Variants in SP2 observed in about 807,000 individuals in gnomAD.
SP2 encodes the protein Sp2 transcription factor.
SP2 carries 9 observed loss-of-function variants against 50.1 expected under a neutral mutation model. The observed-to-expected ratio is 0.18, with a 90% CI of 0.11 to 0.31. The LOEUF (loss-of-function observed/expected upper bound fraction) is 0.31. Among genes scored for constraint, SP2 ranks in the 10% least tolerant of loss-of-function variants. SP2 has a pLI of 1.00. For missense variants in SP2, 581 were observed against 806.5 expected (o/e 0.72, Z 3.39); for synonymous variants, 313 against 326.6 (o/e 0.96, Z 0.45).
rs1296284596 is a variant in SP2, at chr17:47,925,525, T to C, written c.1725T>C (p.His575=). Residue 575 remains histidine, a synonymous_variant, in exon 6 of 7, where the codon CAT becomes CAC. Coordinates refer to ENST00000376741, the MANE Select transcript of SP2 (RefSeq NM_003110.6). ...CACGGAGTGACGAGCTCCAACGGCATGCTCGCACCCACACAGGTCAGCCCC... is the reference window on the plus strand; with the variant it reads ...CACGGAGTGACGAGCTCCAACGGCACGCTCGCACCCACACAGGTCAGCCCC... The part of the protein sequence containing the change: ...RFTRSDELQR[H]ARTHTGDKRF... 6.2e-7 allele frequency: 1 copy of C among 1,613,954 alleles called. No individual in the cohort carries two copies. The highest frequency in any genetic ancestry group is 1.7e-5 in the Admixed American group (1 of 60,012).
intron 1 of SP2, among the ~76,000 whole-genome samples, chr17:47,906,603 T>C (rs2143833437): frequency 6.6e-6 from 1 of 152,248 alleles, no homozygotes; most frequent in African/African-American, 2.4e-5. Context: ...GCCAGAGACC[T>C]GAAGGGTGAG....
At chr17:47,921,249 C>A (rs1319291225) in intron 3 of SP2, among the ~76,000 whole-genome samples, 1 of 151,994 alleles carries the variant, frequency 6.6e-6, no homozygotes, top group Non-Finnish European at 1.5e-5. Flanking sequence ...TCACGGATTG[C>A]TGCTTTTTTG....
chr17:47,924,011 A>G (rs1006825516), intron 4 of SP2, among the ~76,000 whole-genome samples: 1 of 151,842 alleles, frequency 6.6e-6, no homozygotes, highest in Non-Finnish European at 1.5e-5. Flanking sequence ...ATCCTTAATG[A>G]ATGTTTAGCA....
Position 47,917,078 on chromosome 17 carries a change from A to G in SP2, c.1007A>G (p.Gln336Arg), listed in dbSNP as rs759181735. The G allele has an allele frequency of 3.7e-6, 6 of 1,613,498 alleles. No homozygotes were observed. The highest frequency in any genetic ancestry group is 5.1e-6 in the Non-Finnish European group (6 of 1,179,842). ...TCTGCCACCCTCCCCACTGTACCCC[A>G]GAAGCCCTCCCAGAACTTTCAGATC... ...AASATLPTVP[Q>R]KPSQNFQIQA... The change falls in exon 3 of 7, where the codon CAG (glutamine) becomes CGG (arginine). Residue 336 changes from glutamine to arginine, a missense_variant. Gln to Arg is a conservative substitution (Grantham distance 43). Coordinates refer to ENST00000376741, the MANE Select transcript of SP2 (RefSeq NM_003110.6).
intron 3 of SP2, among the ~76,000 whole-genome samples, chr17:47,922,497 T>C (rs1019089728): frequency 6.6e-6 from 1 of 151,840 alleles, no homozygotes; most frequent in African/African-American, 2.4e-5. Flanking sequence ...GGCTCTTTTT[T>C]TTTTTTCTGA....
rs539138038 is a variant in SP2, at chr17:47,906,841, G to T, written c.8-8471G>T. Among the ~76,000 whole-genome samples the T allele has an allele frequency of 3.3e-5, 5 of 152,268 alleles. No individual in the cohort carries two copies. The East Asian group carries it at 9.7e-4, about 29-fold the overall frequency. On this transcript the variant is annotated intron_variant, in intron 1 of 6. Coordinates refer to ENST00000376741, the MANE Select transcript of SP2 (RefSeq NM_003110.6). ...GTCTAACACGTGGAGCAGAGATCTG[G>T]GCCAGACACAGGCCTATGAGTTGGC...
At chr17:47,915,218 A>G in intron 1 of SP2, 94 bp from the exon 2 acceptor site, 1 of 953,690 alleles carries the variant, frequency 1.0e-6, no homozygotes, top group Non-Finnish European at 1.6e-6. Flanking sequence ...CCGTCTCAAA[A>G]AAAAAAAAAT....
At chr17:47,919,949 GT>G (rs1230962048) in intron 3 of SP2, among the ~76,000 whole-genome samples, 1 of 147,260 alleles carries the variant, frequency 6.8e-6, no homozygotes, top group Non-Finnish European at 1.5e-5. Flanking sequence ...CGATTCTCCT[GT>G]TTCAGCCTCC....
At chr17:47,897,630 G>A (rs1230257844) in intron 1 of SP2, among the ~76,000 whole-genome samples, 2 of 152,212 alleles carry the variant, frequency 1.3e-5, no homozygotes, top group Admixed American at 6.5e-5. Context: ...TGGTATTCTG[G>A]ATGATACAAT....
chr17:47,930,729 T>G (rs1394944370), downstream of SP2, among the ~76,000 whole-genome samples: 1 of 152,186 alleles, frequency 6.6e-6, no homozygotes, highest in Non-Finnish European at 1.5e-5. Context: ...CTGATCCTGA[T>G]GGGCCCTTGA....
At chr17:47,910,257 A>C (rs2034929745) in intron 1 of SP2, among the ~76,000 whole-genome samples, 1 of 152,266 alleles carries the variant, frequency 6.6e-6, no homozygotes, top group Non-Finnish European at 1.5e-5. Flanking sequence ...GGTCACAGCC[A>C]GCATTTAAAA....
At chr17:47,929,028 T>C (rs2035761878), downstream of SP2, 1 of 152,178 alleles carries the variant, frequency 6.6e-6, no homozygotes, top group South Asian at 2.1e-4. Flanking sequence ...GAGGGAGCTG[T>C]GGTCTCTCAG....
At position 47,926,744 on chromosome 17, in the gene SP2, C is replaced by T. The variant is rs76231058; in HGVS notation, c.1742-980C>T. 2.9e-3 allele frequency among the ~76,000 whole-genome samples: 441 copies of T among 151,652 alleles called. 3 individuals carry two copies. Among genetic ancestry groups the T allele is most frequent in the African/African-American group, 9.8e-3 (404 of 41,318 alleles). Reference sequence around the variant, plus strand: ...TTCGAGACCAGCCAGGGCAATATAGCGGGAGCCCATCTCTTAAAAAAAAAA... The same window carrying T: ...TTCGAGACCAGCCAGGGCAATATAGTGGGAGCCCATCTCTTAAAAAAAAAA... On this transcript the variant is annotated intron_variant, in intron 6 of 6. Coordinates refer to ENST00000376741, the MANE Select transcript of SP2 (RefSeq NM_003110.6).
intron 5 of SP2, 70 bp from the exon 6 acceptor site, chr17:47,925,278 C>A: frequency 6.7e-7 from 1 of 1,487,346 alleles, no homozygotes; most frequent in Non-Finnish European, 9.2e-7. Context: ...CATCCTGTTC[C>A]TGCCCCATCC....
downstream of SP2, among the ~76,000 whole-genome samples, chr17:47,930,642 A>T (rs1223043936): frequency 6.6e-6 from 1 of 152,168 alleles, no homozygotes; most frequent in Non-Finnish European, 1.5e-5. Flanking sequence ...CCTATCCATT[A>T]TTTGAGAGTT....
intron 5 of SP2, 42 bp downstream of exon 5, chr17:47,925,135 T>C (rs2035596823): frequency 6.4e-7 from 1 of 1,562,362 alleles, no homozygotes. Flanking sequence ...CTGGCCTGTG[T>C]TCCCCAAGCC....
chr17:47,898,332 A>AT (rs1845496555), intron 1 of SP2: 1 of 152,220 alleles, frequency 6.6e-6, no homozygotes, highest in Admixed American at 6.5e-5. Context: ...TCATTTGGAT[A>AT]TTTTGGCCTT....
In SP2 at chr17:47,916,984, C is replaced by T. The variant is rs142857959; in HGVS notation, c.913C>T (p.Pro305Ser). The T allele has an allele frequency of 8.2e-5, 132 of 1,614,004 alleles. 1 individual carries two copies. In the Middle Eastern group the frequency reaches 9.9e-4, roughly 12 times the overall value. Reference sequence around the variant, plus strand: ...TGTGGTCCAGCAGGTCCAGGTGGTGCCCCCCAAGGCCGAGCAGCAGCAGGT... The same window carrying T: ...TGTGGTCCAGCAGGTCCAGGTGGTGTCCCCCAAGGCCGAGCAGCAGCAGGT... ...PAVVQQVQVV[P>S]PKAEQQQVVQ... Residue 305 changes from proline to serine, a missense_variant, in exon 3 of 7, where the codon CCC (proline) becomes TCC (serine). Physicochemically the swap from Pro to Ser is moderately conservative, Grantham distance 74. This residue lies in a region of SP2 where 397 missense variants were observed against 491.0 expected (regional missense o/e 0.81). Coordinates refer to ENST00000376741, the MANE Select transcript of SP2 (RefSeq NM_003110.6). The surrounding 1 kb of genome is among the most constrained non-coding windows in gnomAD (Gnocchi z 4.7).
At chr17:47,911,024 G>A (rs901355613) in intron 1 of SP2, among the ~76,000 whole-genome samples, 1 of 151,990 alleles carries the variant, frequency 6.6e-6, no homozygotes, top group Middle Eastern at 3.2e-3. Context: ...CCAGGAGTTC[G>A]AGAAAAGGCA....
Sources: gnomAD v4.1 joint callset for allele counts (sites outside exome capture counted in the v4.1 genomes callset) on GRCh38, gnomAD v4.1.1 for gene constraint, gnomAD v4.1.1 regional missense constraint, Gnocchi (gnomAD v3.1) non-coding constraint, MANE v1.5 for transcripts, NCBI Gene and HGNC (gene_info 2026-07-23, HGNC 2026-07-21) for gene names.